The following NDUFS1 variants were observed in gnomAD, a reference collection of about 807,000 sequenced individuals.
The protein encoded by NDUFS1 is NADH-ubiquinone oxidoreductase 75 kDa subunit, mitochondrial.
In NDUFS1, 61 loss-of-function variants were observed where a neutral mutation model predicts 84.4. The ratio of observed to expected loss-of-function variants is 0.72; its 90% CI spans 0.59 to 0.89. NDUFS1 has a LOEUF of 0.89. NDUFS1 is among the 40% of genes least tolerant of loss of function. The pLI, the probability that NDUFS1 is intolerant of heterozygous loss-of-function variation, is 0.00. For synonymous variants in NDUFS1, 275 were observed against 290.0 expected (o/e 0.95, Z 0.53); for missense variants, 891 against 890.0 (o/e 1.00, Z -0.01).
chr2:206,130,979 C>A (rs539852977), intron 14 of NDUFS1, among the ~76,000 whole-genome samples: 1 of 152,172 alleles, frequency 6.6e-6, no homozygotes, highest in Admixed American at 6.5e-5. Flanking sequence ...AATGAGAAAA[C>A]CAAAACCTTA....
chr2:206,142,053 T>C lies in NDUFS1; in HGVS notation c.1150A>G (p.Asn384Asp). The C allele has an allele frequency of 6.2e-7, 1 of 1,601,588 alleles. No individual in the cohort carries two copies. ...GCAATTGTAGTATTAAGAAGATAAT[T>C]GGAACGCAAATCTGTGCTAGAAATA... ...TAGAGTDLRSNYLLNTTIAGV... is the reference protein window; with the variant it reads ...TAGAGTDLRSDYLLNTTIAGV... Residue 384 changes from asparagine to aspartate, a missense_variant, in exon 12 of 19, where the codon AAT (asparagine) becomes GAT (aspartate). Transcript: ENST00000233190.
Position 206,149,813 on chromosome 2 carries a change from A to C in NDUFS1, c.261+5T>G. The stretch of plus-strand genomic sequence containing the variant: ...GCATGGTGTAGAATTTTAGGTATCA[A>C]GTACCTTAGGGGCTTTCTCAATTTC... On this transcript the variant is annotated splice_donor_5th_base_variant and intron_variant, in intron 4 of 18. Coordinates refer to ENST00000233190, the MANE Select transcript of NDUFS1 (RefSeq NM_005006.7). 1 of 1,607,184 alleles carries C rather than the reference A, an allele frequency of 6.2e-7. No homozygotes were observed. The highest frequency in any genetic ancestry group is 2.2e-5 in the East Asian group (1 of 44,834).
Position 206,130,101 on chromosome 2 carries a change from G to T in NDUFS1, c.1695C>A (p.Phe565Leu), listed in dbSNP as rs568816931. Residue 565 changes from phenylalanine (F) to leucine (L), a missense_variant, in exon 15 of 19, where the codon TTC becomes TTA. Phe to Leu is a conservative substitution (Grantham distance 22, BLOSUM62 0). Coordinates refer to ENST00000233190, the MANE Select transcript of NDUFS1 (RefSeq NM_005006.7). ...GGTGATACTTACCTTGATAAATAAT[G>T]AAACAATCCTTTGGCAAATCCTGTC... ...ITRQDLPKDC[F>L]IIYQGHHGDV... 6.2e-7 allele frequency: 1 copy of T among 1,614,122 alleles called. No individual in the cohort carries two copies. Among genetic ancestry groups the T allele is most frequent in the African/African-American group, 1.3e-5 (1 of 75,024 alleles).
Position 206,121,974 on chromosome 2 carries a change from G to A in NDUFS1, c.*2211C>T, listed in dbSNP as rs1691108882. 6.6e-6 allele frequency: 1 copy of A among 152,214 alleles called. No homozygotes were observed. Among genetic ancestry groups the A allele is most frequent in the Admixed American group, 6.5e-5 (1 of 15,286 alleles). The allele number at this position is 152,214 out of a possible 1,614,324, so 9.4% of individuals were successfully genotyped here. On this transcript the variant is annotated 3_prime_UTR_variant, in exon 19 of 19. Coordinates refer to ENST00000233190, the MANE Select transcript of NDUFS1 (RefSeq NM_005006.7). ...AGATGAGCACAGTGCTAAGAGGTAA[G>A]AGATGGGAAGTTTGTATTAAGTTCA...
intron 18 of NDUFS1, among the ~76,000 whole-genome samples, chr2:206,124,936 T>C (rs1040047018): frequency 2.6e-5 from 4 of 152,148 alleles, no homozygotes; most frequent in Non-Finnish European, 4.4e-5. Flanking sequence ...TACATTGAAT[T>C]GTCCACTTCA....
chr2:206,127,835 C>A lies in NDUFS1; in HGVS notation c.1846G>T (p.Ala616Ser). 1 of 1,614,084 alleles carries A rather than the reference C, an allele frequency of 6.2e-7. No homozygotes were observed. Among genetic ancestry groups the A allele is most frequent in the African/African-American group, 1.3e-5 (1 of 75,024 alleles). Residue 616 changes from alanine (A) to serine (S), a missense_variant, in exon 16 of 19, where the codon GCA becomes TCA. Transcript: ENST00000233190. ...TKVAVTPPGL[A>S]REDWKIIRAL... ...CTTATAATTTTCCAGTCTTCTCTTG[C>A]CAAGCCAGGAGGTGTCACTGCTACC... is the stretch of plus-strand genomic sequence containing the variant.
chr2:206,144,862 A>C (rs1360867474), intron 9 of NDUFS1, 30 bp downstream of exon 9: 1 of 1,606,476 alleles, frequency 6.2e-7, no homozygotes, highest in South Asian at 1.1e-5. Context: ...AATAAACTGT[A>C]AAAGTTAAGG....
At chr2:206,128,257 C>T (rs1454794893) in intron 15 of NDUFS1, among the ~76,000 whole-genome samples, 1 of 152,030 alleles carries the variant, frequency 6.6e-6, no homozygotes, top group Non-Finnish European at 1.5e-5. Context: ...GCTCTGCCTC[C>T]TGGGTTCATG....
At position 206,123,711 on chromosome 2, in the gene NDUFS1, T is replaced by C. The variant is rs2105939399; in HGVS notation, c.*474A>G. The C allele has an allele frequency of 6.4e-6, 1 of 155,646 alleles. No homozygotes were observed. Among genetic ancestry groups the C allele is most frequent in the South Asian group, 2.0e-4 (1 of 5,108 alleles). 9.6% of individuals were successfully genotyped at this position (155,646 alleles called of 1,614,324 possible). A position where few individuals can be genotyped will look rare whatever the true frequency, so the allele number is the denominator to read the frequency against. ...AATAAAGCTAAATTATCATTAGCCA[T>C]TGTTACTATGATTATTATTAATTAT... On this transcript the variant is annotated 3_prime_UTR_variant, in exon 19 of 19. Coordinates refer to ENST00000233190, the MANE Select transcript of NDUFS1 (RefSeq NM_005006.7).
At position 206,118,617 on chromosome 2, in the gene NDUFS1, C is replaced by T. The variant is rs1691015632; in HGVS notation, c.*5568G>A. 6.6e-6 allele frequency: 1 copy of T among 151,318 alleles called. No homozygotes were observed. Among genetic ancestry groups the T allele is most frequent in the African/African-American group, 2.4e-5 (1 of 41,190 alleles). The allele number at this position is 151,318 out of a possible 1,614,324, so 9.4% of individuals were successfully genotyped here. A position where few individuals can be genotyped will look rare whatever the true frequency, so the allele number is the denominator to read the frequency against. ...TGCACTCCAGTCTGGGTAACAGAGC[C>T]AGAATCTTATTAGGGAATTCTGACA... is the stretch of plus-strand genomic sequence containing the variant. On this transcript the variant is annotated 3_prime_UTR_variant, in exon 19 of 19. Transcript: ENST00000233190.
chr2:206,133,242 A>G, intron 13 of NDUFS1, 137 bp from the exon 14 acceptor site: 1 of 680,852 alleles, frequency 1.5e-6, no homozygotes, highest in Non-Finnish European at 2.5e-6. Context: ...AGCCCAACAT[A>G]CAGACACACA....
chr2:206,142,352 A>T (rs746140767), intron 11 of NDUFS1, among the ~76,000 whole-genome samples: 32 of 152,220 alleles, frequency 2.1e-4, no homozygotes, highest in Non-Finnish European at 1.8e-4. Context: ...AGCTGGAATT[A>T]CAGGCGCACA....
intron 8 of NDUFS1, 52 bp downstream of exon 8, chr2:206,146,851 A>T: frequency 1.3e-6 from 2 of 1,510,364 alleles, no homozygotes; most frequent in Admixed American, 1.7e-5. Context: ...TATTTTTTTG[A>T]ATAGTAATGA....
chr2:206,149,496 C>T (rs913881481), intron 4 of NDUFS1, among the ~76,000 whole-genome samples: 3 of 152,118 alleles, frequency 2.0e-5, no homozygotes, highest in Non-Finnish European at 4.4e-5. Flanking sequence ...AATGGCAGGG[C>T]GTCAGCACTT....
Position 206,116,522 on chromosome 2 carries a change from G to A in NDUFS1, c.*7663C>T. 1 of 1,110,726 alleles carries A rather than the reference G, an allele frequency of 9.0e-7. No homozygotes were observed. Among genetic ancestry groups the A allele is most frequent in the South Asian group, 1.3e-5 (1 of 74,396 alleles). 68.8% of individuals were successfully genotyped at this position (1,110,726 alleles called of 1,614,324 possible). A position where few individuals can be genotyped will look rare whatever the true frequency, so the allele number is the denominator to read the frequency against. ...CCATGTTCCCAGGGGTGCGGGGATG[G>A]CAGCGCTACGCCTCAGCCACTCGCG... On this transcript the variant is annotated 3_prime_UTR_variant, in exon 19 of 19. Transcript: ENST00000233190.
chr2:206,143,044 G>A (rs1482868580), intron 10 of NDUFS1, among the ~76,000 whole-genome samples: 1 of 152,172 alleles, frequency 6.6e-6, no homozygotes, highest in East Asian at 1.9e-4. Flanking sequence ...CTGCAGTCAG[G>A]ACTTTAAGAC....
chr2:206,141,895 A>G (rs755476296), intron 12 of NDUFS1, 46 bp downstream of exon 12: 1 of 1,547,426 alleles, frequency 6.5e-7, no homozygotes, highest in Admixed American at 1.7e-5. Context: ...TAAAACAAAA[A>G]AATTACATAA....
At position 206,116,252 on chromosome 2, in the gene NDUFS1, A is replaced by T; in HGVS notation, c.*7933T>A. 1 of 1,117,924 alleles carries T rather than the reference A, an allele frequency of 8.9e-7. No individual in the cohort carries two copies. Among genetic ancestry groups the T allele is most frequent in the South Asian group, 1.2e-5 (1 of 81,016 alleles). 69.3% of individuals were successfully genotyped at this position (1,117,924 alleles called of 1,614,324 possible). ...GTTTACAAGTCCTGGATTTTCTGCA[A>T]GAGCTTCATTAATTTCGGTTACTTC... On this transcript the variant is annotated 3_prime_UTR_variant, in exon 19 of 19. Transcript: ENST00000233190.
Position 206,153,695 on chromosome 2 carries a change from CAAAG to C in NDUFS1, c.-4-17_-4-14del. ...CCTTAACATATTGCTAAAAATAAAA[CAAAG>C]AATTATATTATTGTAGGGAAAAAAA... is the stretch of plus-strand genomic sequence containing the variant. On this transcript the variant is annotated splice_polypyrimidine_tract_variant and intron_variant, in intron 1 of 18. Transcript: ENST00000233190. 1 of 1,367,102 alleles carries C rather than the reference CAAAG, an allele frequency of 7.3e-7. No homozygotes were observed. Among genetic ancestry groups the C allele is most frequent in the Non-Finnish European group, 1.0e-6 (1 of 970,372 alleles). The allele number at this position is 1,367,102 out of a possible 1,614,324, so 84.7% of individuals were successfully genotyped here.
Sources: gnomAD v4.1 joint callset for allele counts (sites outside exome capture counted in the v4.1 genomes callset) on GRCh38, gnomAD v4.1.1 for gene constraint, MANE v1.5 for transcripts, NCBI Gene and HGNC (gene_info 2026-07-23, HGNC 2026-07-21) for gene names.